The following NOBOX variants were observed in gnomAD, a reference collection of about 807,000 sequenced individuals.
NOBOX encodes the protein NOBOX oogenesis homeobox.
Under a neutral mutation model 60.2 loss-of-function variants are expected in NOBOX, and 46 were observed. The observed-to-expected ratio is 0.76, with a 90% CI of 0.60 to 0.98. The LOEUF is 0.98. Ranked by LOEUF, NOBOX falls within the 50% of genes least tolerant of loss-of-function variation. The probability of loss-of-function intolerance (pLI) is 0.00; values close to 1 mark genes in which losing one functional copy is unlikely to be tolerated. For missense variants in NOBOX, 880 were observed against 865.5 expected (o/e 1.02, Z -0.21); for synonymous variants, 360 against 346.3 (o/e 1.04, Z -0.44).
intron 2 of NOBOX, among the ~76,000 whole-genome samples, chr7:144,403,362 C>A (rs1158461249): frequency 6.6e-6 from 1 of 152,064 alleles, no homozygotes; most frequent in South Asian, 2.1e-4. Flanking sequence ...AAGAAGGGGA[C>A]GGGTGTCAGA....
chr7:144,397,039 C>T (rs2053897339), downstream of NOBOX, among the ~76,000 whole-genome samples: 2 of 152,208 alleles, frequency 1.3e-5, no homozygotes, highest in South Asian at 4.1e-4. Context: ...AGGACCCCCA[C>T]ACAGAGTGTG....
At chr7:144,408,951 A>G (rs529803245) in intron 1 of NOBOX, among the ~76,000 whole-genome samples, 1 of 152,354 alleles carries the variant, frequency 6.6e-6, no homozygotes, top group African/African-American at 2.4e-5. Context: ...GTAAGGTCAC[A>G]GACTGTATCA....
At chr7:144,408,147 C>A (rs748239730) in intron 1 of NOBOX, among the ~76,000 whole-genome samples, 3 of 152,140 alleles carry the variant, frequency 2.0e-5, no homozygotes, top group Non-Finnish European at 4.4e-5. Flanking sequence ...GTCTCCCCCA[C>A]TCTTCCAGGT....
intron 2 of NOBOX, among the ~76,000 whole-genome samples, chr7:144,402,828 C>T (rs991507497): frequency 1.4e-5 from 2 of 138,434 alleles, no homozygotes; most frequent in African/African-American, 2.7e-5. Flanking sequence ...GCAATTCTGG[C>T]TCACTGCAAC....
rs1307270510 is a variant in NOBOX at position 144,401,087 on chromosome 7, G to A, written c.803C>T (p.Thr268Ile). Residue 268 changes from threonine to isoleucine, a missense_variant, in exon 4 of 10, where the codon ACC becomes ATC. Transcript: ENST00000467773. The surrounding 1 kb of genome is among the most constrained non-coding windows in gnomAD (Gnocchi z 4.2). Reference sequence around the variant, plus strand: ...TCGTGTCTTTTTCCTAATTTGGCAGGTCACTTCCGGGGGCCCCTGCTTGTG... The same window carrying A: ...TCGTGTCTTTTTCCTAATTTGGCAGATCACTTCCGGGGGCCCCTGCTTGTG... The A allele has an allele frequency of 6.5e-7, 1 of 1,535,046 alleles. No individual in the cohort carries two copies. The highest frequency in any genetic ancestry group is 2.1e-5 in the Admixed American group (1 of 47,358).
chr7:144,402,884 G>A (rs2053952843), intron 2 of NOBOX, among the ~76,000 whole-genome samples: 1 of 149,930 alleles, frequency 6.7e-6, no homozygotes, highest in Non-Finnish European at 1.5e-5. Flanking sequence ...TGCCTCCCAA[G>A]TAGCTGGGAT....
At chr7:144,408,819 G>A (rs1001815748) in intron 1 of NOBOX, among the ~76,000 whole-genome samples, 17 of 152,200 alleles carry the variant, frequency 1.1e-4, no homozygotes, top group African/African-American at 3.9e-4. Context: ...GTTCAAAAGC[G>A]TAGTAGCAGT....
chr7:144,404,031 C>T (rs1207802478), intron 2 of NOBOX, among the ~76,000 whole-genome samples: 2 of 152,098 alleles, frequency 1.3e-5, no homozygotes, highest in Non-Finnish European at 2.9e-5. Flanking sequence ...GGGAGCGAGG[C>T]TACCCGGTGG....
intron 4 of NOBOX, 86 bp from the exon 3 acceptor site, chr7:144,400,398 C>CAACA: frequency 8.2e-7 from 1 of 1,218,506 alleles, no homozygotes; most frequent in South Asian, 1.3e-5. Flanking sequence ...CAAGTATCTC[C>CAACA]AACAGATGGG....
intron 9 of NOBOX, 22 bp from the exon 8 acceptor site, chr7:144,397,563 G>A (rs1202267380): frequency 2.0e-6 from 3 of 1,489,092 alleles, no homozygotes; most frequent in Admixed American, 4.4e-5. Flanking sequence ...GAGGGTGTAG[G>A]AATTACCAGA....
In NOBOX at chr7:144,401,259, C is replaced by T. The variant is rs778524672; in HGVS notation, c.631G>A (p.Ala211Thr). 6.2e-7 allele frequency: 1 copy of T among 1,613,508 alleles called. No individual in the cohort carries two copies. The highest frequency in any genetic ancestry group is 1.7e-5 in the Admixed American group (1 of 59,926). Reference sequence around the variant, plus strand: ...GATGATGTTGGGGCCAGACCCATGGCATTAGGCTTTTTCTGCTTCCCGGGG... The same window carrying T: ...GATGATGTTGGGGCCAGACCCATGGTATTAGGCTTTTTCTGCTTCCCGGGG... The change falls in exon 4 of 10, where the codon GCC becomes ACC. Residue 211 changes from alanine (A) to threonine (T), a missense_variant. Physicochemically the swap from Ala to Thr is moderately conservative, Grantham distance 58. Coordinates refer to ENST00000467773, the MANE Select transcript of NOBOX (RefSeq NM_001080413.3). The surrounding 1 kb of genome is among the most constrained non-coding windows in gnomAD (Gnocchi z 4.2).
Position 144,401,522 on chromosome 7 carries a change from G to A in NOBOX, c.368C>T (p.Ala123Val). The A allele has an allele frequency of 6.6e-7, 1 of 1,520,938 alleles. No homozygotes were observed. The highest frequency in any genetic ancestry group is 1.3e-5 in the South Asian group (1 of 74,126). The allele number at this position is 1,520,938 out of a possible 1,614,324, so 94.2% of individuals were successfully genotyped here. A position where few individuals can be genotyped will look rare whatever the true frequency, so the allele number is the denominator to read the frequency against. The stretch of plus-strand genomic sequence containing the variant: ...CAGTTCCTCACTCTGAGTGTCCTGA[G>A]CATGAGGGGCTGAGCCCCGGAGCAG... The change falls in exon 4 of 10, where the codon GCT (alanine) becomes GTT (valine). Residue 123 changes from alanine to valine, a missense_variant. By Grantham distance (64) the Ala-to-Val change is moderately conservative (BLOSUM62 0). Transcript: ENST00000467773. The surrounding 1 kb of genome is among the most constrained non-coding windows in gnomAD (Gnocchi z 4.2).
At chr7:144,406,844 CA>C (rs1404114283) in intron 1 of NOBOX, among the ~76,000 whole-genome samples, 1 of 152,092 alleles carries the variant, frequency 6.6e-6, no homozygotes, top group Non-Finnish European at 1.5e-5. Context: ...AGAGACGGCT[CA>C]ATTATATAGA....
In NOBOX at chr7:144,401,417, A is replaced by G. The variant is rs1298536143; in HGVS notation, c.473T>C (p.Leu158Pro). ...AGCCCTGGAGCGGGGGGGCGGGCAC[A>G]GTCTCCCAGCATCAGCCCCGGTGGC... The change falls in exon 4 of 10, where the codon CTG becomes CCG. Residue 158 changes from leucine (L) to proline (P), a missense_variant. Transcript: ENST00000467773. The surrounding 1 kb of genome is among the most constrained non-coding windows in gnomAD (Gnocchi z 4.2). 11 of 1,611,552 alleles carry G rather than the reference A, an allele frequency of 6.8e-6. No homozygotes were observed. Among genetic ancestry groups the G allele is most frequent in the Non-Finnish European group, 9.3e-6 (11 of 1,178,662 alleles).
intron 2 of NOBOX, among the ~76,000 whole-genome samples, chr7:144,402,436 C>T (rs568097200): frequency 6.6e-6 from 1 of 152,120 alleles, no homozygotes; most frequent in Non-Finnish European, 1.5e-5. Flanking sequence ...TCTGCAAGAA[C>T]GGCACTGCTA....
At chr7:144,403,804 G>A (rs1011161557) in intron 2 of NOBOX, 111 bp from the exon 1 acceptor site, 12 of 444,256 alleles carry the variant, frequency 2.7e-5, no homozygotes, top group Non-Finnish European at 4.8e-5. Flanking sequence ...GGCCGGGGGA[G>A]CCGTAGCCCG....
intron 4 of NOBOX, 107 bp from the exon 3 acceptor site, chr7:144,400,419 C>T: frequency 1.0e-6 from 1 of 959,438 alleles, no homozygotes; most frequent in Non-Finnish European, 1.6e-6. Context: ...GCCACTGCCC[C>T]TAACCCAACA....
intron 9 of NOBOX, 28 bp from the exon 8 acceptor site, chr7:144,397,569 C>G: frequency 6.8e-7 from 1 of 1,479,464 alleles, no homozygotes; most frequent in Non-Finnish European, 9.0e-7. Context: ...GTAGGAATTA[C>G]CAGACAGGAT....
At position 144,397,335 on chromosome 7, in the gene NOBOX, T is replaced by G; in HGVS notation, c.1981A>C (p.Ser661Arg). ...GCTGGTGGTTCCTCTTTTGCCTTGC[T>G]GAGTAAGGGCCCAGTCCCTGGTCTG... The change falls in exon 10 of 10, where the codon AGC (serine) becomes CGC (arginine). Residue 661 changes from serine to arginine, a missense_variant. Ser to Arg is a moderately radical substitution (Grantham distance 110). Transcript: ENST00000467773. 6.5e-7 allele frequency: 1 copy of G among 1,537,282 alleles called. No homozygotes were observed. Among genetic ancestry groups the G allele is most frequent in the Non-Finnish European group, 8.7e-7 (1 of 1,146,912 alleles).
Sources: gnomAD v4.1 joint callset for allele counts (sites outside exome capture counted in the v4.1 genomes callset) on GRCh38, gnomAD v4.1.1 for gene constraint, Gnocchi (gnomAD v3.1) non-coding constraint, MANE v1.5 for transcripts, NCBI Gene and HGNC (gene_info 2026-07-23, HGNC 2026-07-21) for gene names.